The following BBS9 variants were observed in gnomAD, a reference collection of about 807,000 sequenced individuals.
BBS9 encodes the protein Bardet-Biedl syndrome 9.
BBS9 carries 89 observed loss-of-function variants against 117.7 expected under a neutral mutation model. That is an observed-to-expected ratio of 0.76 (90% confidence interval 0.64 to 0.90). The LOEUF is 0.90. Among genes scored for constraint, BBS9 ranks in the 40% least tolerant of loss-of-function variants. The pLI is 0.00. For missense variants in BBS9, 982 were observed against 1,042.2 expected (o/e 0.94, Z 0.80); for synonymous variants, 379 against 370.9 (o/e 1.02, Z -0.25).
chr7:33,258,957 C>T (rs1392559780), intron 6 of BBS9, among the ~76,000 whole-genome samples: 4 of 152,028 alleles, frequency 2.6e-5, no homozygotes, highest in South Asian at 2.1e-4. Context: ...AAAATGTACA[C>T]GTTATGCATT....
intron 21 of BBS9, among the ~76,000 whole-genome samples, chr7:33,603,874 G>A (rs889067158): frequency 6.6e-6 from 1 of 152,166 alleles, no homozygotes; most frequent in Non-Finnish European, 1.5e-5. Context: ...ATAGTAAGGT[G>A]TGTTTTCCTT....
chr7:33,407,725 A>T (rs12674317), intron 19 of BBS9, among the ~76,000 whole-genome samples: 1 of 152,182 alleles, frequency 6.6e-6, no homozygotes, highest in Non-Finnish European at 1.5e-5. Context: ...CCTGGGTATC[A>T]GCAGCGGTGT....
chr7:33,191,777 C>T (rs775414717), intron 5 of BBS9, among the ~76,000 whole-genome samples: 1 of 152,024 alleles, frequency 6.6e-6, no homozygotes, highest in African/African-American at 2.4e-5. Context: ...TATTTAAATT[C>T]GGGGGCATGT....
chr7:33,170,430 T>A (rs1796365353), intron 4 of BBS9, among the ~76,000 whole-genome samples: 1 of 147,130 alleles, frequency 6.8e-6, no homozygotes, highest in Non-Finnish European at 1.5e-5. Context: ...TCTCAATAAA[T>A]TAGGTATTGA....
Position 33,604,930 on chromosome 7 carries a change from C to G in BBS9, c.2587C>G (p.Leu863Val). 1 of 1,613,816 alleles carries G rather than the reference C, an allele frequency of 6.2e-7. No individual in the cohort carries two copies. Residue 863 changes from leucine to valine, a missense_variant, in exon 22 of 23, where the codon CTG becomes GTG. Coordinates refer to ENST00000242067, the MANE Select transcript of BBS9 (RefSeq NM_198428.3). The stretch of plus-strand genomic sequence containing the variant: ...ATCAGTAGAACAAGACTCTACAGAA[C>G]TGTTTACCAACCACAGACATCTCAC... ...ERSVEQDSTE[L>V]FTNHRHLTAE... is the part of the protein sequence containing the mutation.
intron 19 of BBS9, among the ~76,000 whole-genome samples, chr7:33,398,838 A>G (rs1259035226): frequency 6.6e-6 from 1 of 152,186 alleles, no homozygotes; most frequent in African/African-American, 2.4e-5. Flanking sequence ...GGCACGCGCC[A>G]CCAAACCTGG....
At chr7:33,137,682 C>G (rs750586446) in intron 1 of BBS9, among the ~76,000 whole-genome samples, 1 of 152,158 alleles carries the variant, frequency 6.6e-6, no homozygotes, top group Admixed American at 6.5e-5. Flanking sequence ...ACTGGAGAGA[C>G]GCACTTGGGA....
rs150736523 is a variant in BBS9 at position 33,280,911 on chromosome 7, G to GTTTTTTTTTTTT, written c.1016+6963_1016+6974dup. 7.6e-5 allele frequency among the ~76,000 whole-genome samples: 6 copies of GTTTTTTTTTTTT among 79,416 alleles called. 1 individual carries two copies. Among genetic ancestry groups the GTTTTTTTTTTTT allele is most frequent in the African/African-American group, 2.4e-4 (4 of 16,828 alleles). 52.1% of individuals were successfully genotyped at this position (79,416 alleles called of 152,430 possible). On this transcript the variant is annotated intron_variant, in intron 9 of 22. Transcript: ENST00000242067. ...GTTTTGCTGTTAATTTGTCGTTTTT[G>GTTTTTTTTTTTT]TTTTTTTTTTTTTTTTTTTGCATTA...
chr7:33,481,164 A>G (rs529345309), intron 19 of BBS9, among the ~76,000 whole-genome samples: 1 of 152,302 alleles, frequency 6.6e-6, no homozygotes, highest in African/African-American at 2.4e-5. Flanking sequence ...AAGGGCACAC[A>G]AGGAGATAGG....
At chr7:33,491,855 A>G (rs932155160) in intron 19 of BBS9, among the ~76,000 whole-genome samples, 2 of 152,134 alleles carry the variant, frequency 1.3e-5, no homozygotes, top group Admixed American at 6.5e-5. Flanking sequence ...AGGGAGTGTT[A>G]TTATTGTCTT....
At chr7:33,599,284 C>A (rs1863423799) in intron 21 of BBS9, among the ~76,000 whole-genome samples, 1 of 152,100 alleles carries the variant, frequency 6.6e-6, no homozygotes, top group Non-Finnish European at 1.5e-5. Flanking sequence ...GCACTTTTCT[C>A]TTTGCTGGAG....
chr7:33,444,409 T>C (rs779623256), intron 19 of BBS9, among the ~76,000 whole-genome samples: 8 of 152,336 alleles, frequency 5.3e-5, no homozygotes, highest in Non-Finnish European at 1.0e-4. Context: ...TGTTTTCCAA[T>C]GTGGTTAACT....
intron 9 of BBS9, among the ~76,000 whole-genome samples, chr7:33,312,551 G>A (rs2128555523): frequency 6.6e-6 from 1 of 152,224 alleles, no homozygotes; most frequent in Middle Eastern, 3.4e-3. Flanking sequence ...ATTGGTAGTG[G>A]GGTAAGGCCT....
intron 9 of BBS9, among the ~76,000 whole-genome samples, chr7:33,328,989 C>A (rs1813402760): frequency 8.1e-6 from 1 of 122,826 alleles, no homozygotes; most frequent in African/African-American, 2.9e-5. Flanking sequence ...TAAGGTTTTC[C>A]TTCTTTTATT....
intron 4 of BBS9, among the ~76,000 whole-genome samples, chr7:33,164,809 G>T (rs1282947155): frequency 6.6e-6 from 1 of 152,062 alleles, no homozygotes; most frequent in East Asian, 1.9e-4. Context: ...CTTTTAACTG[G>T]GGCATTTAGG....
intron 4 of BBS9, among the ~76,000 whole-genome samples, chr7:33,161,015 C>G (rs1794757978): frequency 3.3e-5 from 5 of 152,102 alleles, no homozygotes; most frequent in Admixed American, 3.3e-4. Context: ...CATCAGCTAG[C>G]AGAAATGTAC....
At chr7:33,249,411 A>G (rs972947322) in intron 5 of BBS9, among the ~76,000 whole-genome samples, 5 of 152,174 alleles carry the variant, frequency 3.3e-5, no homozygotes, top group African/African-American at 1.2e-4. Flanking sequence ...TTAATGCCAG[A>G]AAATGAGACA....
chr7:33,179,231 A>G (rs1327777600), intron 5 of BBS9, among the ~76,000 whole-genome samples: 1 of 152,222 alleles, frequency 6.6e-6, no homozygotes, highest in Non-Finnish European at 1.5e-5. Context: ...TTGGCCAAAT[A>G]AAAGTGTTTT....
rs1489863508 is a variant in BBS9, at chr7:33,487,188, G to A, written c.2116-18275G>A. On this transcript the variant is annotated intron_variant, in intron 19 of 22. Coordinates refer to ENST00000242067, the MANE Select transcript of BBS9 (RefSeq NM_198428.3). ...TAAATAGCATTCTTTGTTTAAAGAC[G>A]TAAGCTTAGGATTCATTGTAATTCG... 5.3e-5 allele frequency among the ~76,000 whole-genome samples: 8 copies of A among 152,232 alleles called. No homozygotes were observed. In the South Asian group the frequency reaches 1.5e-3, roughly 28 times the overall value.
Sources: allele counts gnomAD v4.1 joint callset (sites outside exome capture counted in the v4.1 genomes callset), GRCh38; gene constraint gnomAD v4.1.1; transcripts MANE v1.5; gene names NCBI Gene and HGNC (gene_info 2026-07-23, HGNC 2026-07-21).